Variants in ACOT1 observed in about 807,000 individuals in gnomAD.
ACOT1 encodes the protein acyl-coenzyme A thioesterase 1.
Under a neutral mutation model 15.7 loss-of-function variants are expected in ACOT1, and 8 were observed. That is an observed-to-expected ratio of 0.51 (90% CI 0.30 to 0.92). The LOEUF (loss-of-function observed/expected upper bound fraction) is 0.92. Among genes scored for constraint, ACOT1 ranks in the 40% least tolerant of loss-of-function variants. ACOT1 has a pLI of 0.06. For synonymous variants in ACOT1, 67 were observed against 241.2 expected (o/e 0.28, Z 6.69); for missense variants, 151 against 539.4 (o/e 0.28, Z 7.13).
the ACOT1 span, chr14:73,508,202 A>G: frequency 1.2e-6 from 2 of 1,614,030 alleles, no homozygotes; most frequent in Non-Finnish European, 8.5e-7. Context: ...TTCTTTGTAA[A>G]CAGCTGGTGG....
At chr14:73,514,382 G>A in the ACOT1 span, 6 of 670,818 alleles carry the variant, frequency 8.9e-6, no homozygotes, top group Middle Eastern at 4.2e-4. Context: ...GATTATATGG[G>A]GAACTGAGTA....
At chr14:73,520,529 G>A in the ACOT1 span, 6 of 214,378 alleles carry the variant, frequency 2.8e-5, no homozygotes, top group South Asian at 1.8e-4. Context: ...AGAATATCTC[G>A]AAGTGAGAGA....
chr14:73,500,774 A>C, the ACOT1 span: 1 of 1,582,668 alleles, frequency 6.3e-7, no homozygotes, highest in Non-Finnish European at 8.6e-7. Context: ...TTAAACTTTC[A>C]GTACCTAACC....
At chr14:73,505,660 T>C in the ACOT1 span, among the ~76,000 whole-genome samples, 1 of 152,050 alleles carries the variant, frequency 6.6e-6, no homozygotes, top group South Asian at 2.1e-4. Flanking sequence ...CCCAAAGTGC[T>C]GGCATTACAG....
chr14:73,536,605 T>C (rs2140309699), upstream of ACOT1, among the ~76,000 whole-genome samples: 3 of 108,334 alleles, frequency 2.8e-5, 1 homozygote, highest in South Asian at 8.9e-4. Flanking sequence ...AAATAATAAC[T>C]ATTGGCCGGG....
At chr14:73,516,736 G>A in the ACOT1 span, among the ~76,000 whole-genome samples, 1 of 152,174 alleles carries the variant, frequency 6.6e-6, no homozygotes, top group African/African-American at 2.4e-5. Context: ...TTACCAGTGA[G>A]CTCTGCCTCC....
chr14:73,513,989 T>C, the ACOT1 span: 2 of 1,589,294 alleles, frequency 1.3e-6, no homozygotes, highest in South Asian at 2.2e-5. Context: ...TGAGAACCAC[T>C]TCTCACAAAC....
the ACOT1 span, chr14:73,491,172 C>G: frequency 1.2e-6 from 2 of 1,601,774 alleles, no homozygotes; most frequent in Non-Finnish European, 1.7e-6. Context: ...CGCATGGCAG[C>G]GCTGAGGACG....
At chr14:73,495,344 A>G in the ACOT1 span, 1 of 1,614,018 alleles carries the variant, frequency 6.2e-7, no homozygotes, top group East Asian at 2.2e-5. Flanking sequence ...CTCCAGCTTG[A>G]GTATTTTGTG....
chr14:73,499,255 C>T, the ACOT1 span: 11 of 854,002 alleles, frequency 1.3e-5, no homozygotes, highest in South Asian at 6.7e-5. Context: ...CCAAGGTGGG[C>T]GGATCACTTG....
At chr14:73,499,789 A>T in the ACOT1 span, among the ~76,000 whole-genome samples, 1 of 152,188 alleles carries the variant, frequency 6.6e-6, no homozygotes, top group African/African-American at 2.4e-5. Flanking sequence ...GGTAATGAGA[A>T]GCTAGTTAAC....
At chr14:73,508,584 A>G in the ACOT1 span, among the ~76,000 whole-genome samples, 1 of 151,982 alleles carries the variant, frequency 6.6e-6, no homozygotes, top group African/African-American at 2.4e-5. Flanking sequence ...CCCCATCTCT[A>G]CTAAAAATAC....
the ACOT1 span, chr14:73,513,917 G>T: frequency 5.4e-6 from 6 of 1,109,766 alleles, no homozygotes; most frequent in Non-Finnish European, 8.1e-6. Context: ...GAGGCAACCA[G>T]ATTTTTACAT....
At chr14:73,519,768 A>G in the ACOT1 span, among the ~76,000 whole-genome samples, 1 of 152,204 alleles carries the variant, frequency 6.6e-6, no homozygotes, top group Non-Finnish European at 1.5e-5. Context: ...CTGTAATCCC[A>G]GCACTTTGGG....
the ACOT1 span, among the ~76,000 whole-genome samples, chr14:73,502,292 A>G: frequency 2.0e-5 from 3 of 151,784 alleles, no homozygotes; most frequent in Non-Finnish European, 4.4e-5. Context: ...GGTATATGCC[A>G]TTTGTTCTAG....
At chr14:73,508,393 A>T in the ACOT1 span, 9 of 941,942 alleles carry the variant, frequency 9.6e-6, no homozygotes, top group South Asian at 1.3e-4. Flanking sequence ...CCCACCTGAT[A>T]TCTCACTTCC....
At chr14:73,492,730 G>A in the ACOT1 span, 19 of 1,613,946 alleles carry the variant, frequency 1.2e-5, 1 homozygote, top group South Asian at 1.9e-4. This position sits in a 1 kb window ranked among gnomAD's most constrained non-coding sequence, Gnocchi z 4.9. Context: ...ATTACACAGT[G>A]GAAAACTCCC....
the ACOT1 span, chr14:73,512,001 C>T: frequency 6.2e-7 from 1 of 1,613,864 alleles, no homozygotes; most frequent in Admixed American, 1.7e-5. Context: ...AGCTTTGGCT[C>T]TCACCTGAGT....
At chr14:73,540,524 T>C (rs532201143) in intron 1 of ACOT1, among the ~76,000 whole-genome samples, 1 of 110,054 alleles carries the variant, frequency 9.1e-6, no homozygotes. Flanking sequence ...TTCAGTATCA[T>C]TCCATTTAGA....
Sources: allele counts gnomAD v4.1 joint callset (sites outside exome capture counted in the v4.1 genomes callset), GRCh38; gene constraint gnomAD v4.1.1; non-coding constraint Gnocchi (gnomAD v3.1); transcripts MANE v1.5; gene names NCBI Gene and HGNC (gene_info 2026-07-23, HGNC 2026-07-21).